Variants in TSHZ2 observed in about 807,000 individuals in gnomAD.
The protein encoded by TSHZ2 is teashirt zinc finger homeobox 2.
In TSHZ2, 21 loss-of-function variants were observed where a neutral mutation model predicts 74.4. The observed-to-expected ratio is 0.28, with a 90% CI of 0.20 to 0.41. TSHZ2 has a LOEUF of 0.41. Among genes scored for constraint, TSHZ2 ranks in the 10% least tolerant of loss-of-function variants. The probability of loss-of-function intolerance (pLI) is 1.00; values close to 1 mark genes in which losing one functional copy is unlikely to be tolerated. For missense variants in TSHZ2, 1,244 were observed against 1,293.5 expected, an observed-to-expected ratio of 0.96 and a Z score of 0.59; for synonymous variants, 540 against 515.3, an observed-to-expected ratio of 1.05 and a Z score of -0.65.
At chr20:53,454,101 C>T (rs1984943145) in intron 2 of TSHZ2, among the ~76,000 whole-genome samples, 2 of 152,166 alleles carry the variant, frequency 1.3e-5, no homozygotes, top group Admixed American at 1.3e-4. Context: ...ACTTGAGTGA[C>T]AATTGCTACT....
chr20:53,249,624 G>A (rs1035996252), intron 1 of TSHZ2, among the ~76,000 whole-genome samples: 6 of 152,090 alleles, frequency 3.9e-5, no homozygotes, highest in Non-Finnish European at 7.3e-5. Context: ...AGAACTTTTC[G>A]GTCAGAAAAA....
intron 2 of TSHZ2, among the ~76,000 whole-genome samples, chr20:53,316,554 C>T (rs1486778842): frequency 6.7e-6 from 1 of 149,244 alleles, no homozygotes; most frequent in East Asian, 2.0e-4. Flanking sequence ...CTTCTGTCCA[C>T]GTGCATTTCA....
At chr20:53,237,064 A>G (rs375128926) in intron 1 of TSHZ2, among the ~76,000 whole-genome samples, 9 of 152,328 alleles carry the variant, frequency 5.9e-5, no homozygotes, top group Admixed American at 6.5e-5. Flanking sequence ...CTCATCTTCA[A>G]AAATGAAACT....
chr20:53,411,350 C>T (rs1568905695), intron 2 of TSHZ2, among the ~76,000 whole-genome samples: 1 of 152,190 alleles, frequency 6.6e-6, no homozygotes, highest in East Asian at 1.9e-4. Context: ...CTAAGGGCAG[C>T]CTGCGGACTC....
chr20:52,981,474 T>C (rs1031807493), intron 1 of TSHZ2, among the ~76,000 whole-genome samples: 2 of 152,204 alleles, frequency 1.3e-5, no homozygotes, highest in Non-Finnish European at 2.9e-5. Flanking sequence ...GTGCTGAAAC[T>C]GTTAGGCACC....
chr20:53,452,632 A>AATCACTGT (rs1984845235), intron 2 of TSHZ2, among the ~76,000 whole-genome samples: 1 of 151,586 alleles, frequency 6.6e-6, no homozygotes, highest in Non-Finnish European at 1.5e-5. Flanking sequence ...AGAACAAATC[A>AATCACTGT]ATCACTGTAT....
chr20:53,456,331 A>T (rs1293903537), intron 2 of TSHZ2, among the ~76,000 whole-genome samples: 2 of 149,922 alleles, frequency 1.3e-5, no homozygotes, highest in Non-Finnish European at 3.0e-5. Flanking sequence ...GCATTTTTTC[A>T]TGTGTTTTTT....
Position 53,127,167 on chromosome 20 carries a change from T to G in TSHZ2, c.41-126332T>G, listed in dbSNP as rs1331225220. ...GGATCTGTGTGTGCATGAAGATGTA[T>G]TCATTCATTTGTTATTTTTCAATAA... is the stretch of plus-strand genomic sequence containing the variant. On this transcript the variant is annotated intron_variant, in intron 1 of 2. Transcript: ENST00000371497. 3.3e-5 allele frequency among the ~76,000 whole-genome samples: 5 copies of G among 152,234 alleles called. No individual in the cohort carries two copies. The South Asian group carries it at 6.2e-4, about 19-fold the overall frequency.
chr20:53,471,708 G>A (rs6022503), intron 2 of TSHZ2, among the ~76,000 whole-genome samples: 30,599 of 151,750 alleles, frequency 0.2, 3,264 homozygotes, highest in East Asian at 0.29. Context: ...GTGGCAGAGG[G>A]ACCCAGGTGA....
intron 1 of TSHZ2, chr20:53,206,399 A>G (rs1989168827): frequency 6.6e-6 from 1 of 152,190 alleles, no homozygotes. Context: ...GAGGATAATG[A>G]TTTTTGTTCC....
chr20:53,464,669 A>G (rs1985501891), intron 2 of TSHZ2, among the ~76,000 whole-genome samples: 1 of 152,216 alleles, frequency 6.6e-6, no homozygotes, highest in East Asian at 1.9e-4. Flanking sequence ...GGGTCTTGCT[A>G]TGTTACCCAG....
intron 2 of TSHZ2, among the ~76,000 whole-genome samples, chr20:53,267,857 A>G (rs1375802814): frequency 6.6e-6 from 1 of 152,174 alleles, no homozygotes; most frequent in Non-Finnish European, 1.5e-5. Context: ...AACTTTTTGA[A>G]ATAGGCATTT....
intron 1 of TSHZ2, among the ~76,000 whole-genome samples, chr20:53,024,287 G>C (rs1182910653): frequency 6.6e-6 from 1 of 151,810 alleles, no homozygotes; most frequent in Non-Finnish European, 1.5e-5. Flanking sequence ...CAAATCATAT[G>C]TTCTGCTTTT....
intron 2 of TSHZ2, among the ~76,000 whole-genome samples, chr20:53,438,759 G>A (rs910551844): frequency 8.5e-5 from 13 of 152,244 alleles, no homozygotes; most frequent in African/African-American, 3.1e-4. Flanking sequence ...TCAGGAGTTC[G>A]AGACCAGCCT....
Position 53,254,758 on chromosome 20 carries a change from G to A in TSHZ2, c.1300G>A (p.Glu434Lys), listed in dbSNP as rs746736180. The A allele has an allele frequency of 1.2e-6, 2 of 1,613,400 alleles. No homozygotes were observed. Among genetic ancestry groups the A allele is most frequent in the South Asian group, 1.1e-5 (1 of 91,012 alleles). Residue 434 changes from glutamate (E) to lysine (K), a missense_variant, in exon 2 of 3, where the codon GAG becomes AAG. Physicochemically the swap from Glu to Lys is moderately conservative, Grantham distance 56 (BLOSUM62 1). Transcript: ENST00000371497. The stretch of plus-strand genomic sequence containing the variant: ...AGTGGAGAAAATGCAGTCGTTGTCT[G>A]AGGCCCCAAACAGTGATTCTCTGGC... The part of the protein sequence containing the change: ...LAVEKMQSLS[E>K]APNSDSLAPK...
chr20:53,456,249 C>T (rs1225953777), intron 2 of TSHZ2, among the ~76,000 whole-genome samples: 3 of 150,556 alleles, frequency 2.0e-5, no homozygotes, highest in Non-Finnish European at 4.5e-5. Flanking sequence ...TAATGATTGC[C>T]ATTCTAACTG....
chr20:53,418,368 G>A (rs537114145), intron 2 of TSHZ2, among the ~76,000 whole-genome samples: 14 of 152,300 alleles, frequency 9.2e-5, no homozygotes, highest in African/African-American at 1.7e-4. Flanking sequence ...TGTCATAGGC[G>A]TATTAGTCTG....
At chr20:53,246,562 C>T (rs564213166) in intron 1 of TSHZ2, among the ~76,000 whole-genome samples, 2 of 152,314 alleles carry the variant, frequency 1.3e-5, no homozygotes, top group South Asian at 4.1e-4. Flanking sequence ...CAGCATCCAA[C>T]TTCTCTCCAT....
rs145326334 is a variant in TSHZ2, at chr20:53,089,901, A to G, written c.40+116568A>G. Among the ~76,000 whole-genome samples the G allele has an allele frequency of 8.7e-3, 1,319 of 152,372 alleles. 14 individuals are homozygous for G. Among genetic ancestry groups the G allele is most frequent in the Non-Finnish European group, 0.013 (854 of 68,042 alleles). On this transcript the variant is annotated intron_variant, in intron 1 of 2. Transcript: ENST00000371497. ...ACTAATAGGATAGATGTATATATCAAGAGGAGTTTATTAGGAGAATTGACT... is the reference window on the plus strand; with the variant it reads ...ACTAATAGGATAGATGTATATATCAGGAGGAGTTTATTAGGAGAATTGACT...
Sources: allele counts gnomAD v4.1 joint callset (sites outside exome capture counted in the v4.1 genomes callset), GRCh38; gene constraint gnomAD v4.1.1; transcripts MANE v1.5; gene names NCBI Gene and HGNC (gene_info 2026-07-23, HGNC 2026-07-21).